AFG1L: variants seen among roughly 807,000 people sequenced by gnomAD.
AFG1L encodes the protein AFG1-like ATPase.
In AFG1L, 53 loss-of-function variants were observed where a neutral mutation model predicts 62.2. That is an observed-to-expected ratio of 0.85 (90% confidence interval 0.68 to 1.07). The LOEUF is 1.07. Among genes scored for constraint, AFG1L ranks in the 50% least tolerant of loss-of-function variants. The pLI, the probability that AFG1L is intolerant of heterozygous loss-of-function variation, is 0.00. For synonymous variants in AFG1L, 228 were observed against 210.3 expected (o/e 1.08, Z -0.73); for missense variants, 555 against 590.5 (o/e 0.94, Z 0.62).
At chr6:108,516,083 C>A (rs1774875492) in intron 11 of AFG1L, among the ~76,000 whole-genome samples, 1 of 152,192 alleles carries the variant, frequency 6.6e-6, no homozygotes, top group Non-Finnish European at 1.5e-5. Context: ...CAAGGAGGAG[C>A]TGGTACCATT....
chr6:108,445,206 C>T (rs529930249), intron 7 of AFG1L, among the ~76,000 whole-genome samples: 17 of 152,334 alleles, frequency 1.1e-4, no homozygotes, highest in African/African-American at 4.1e-4. Context: ...AGCTTCCTCA[C>T]CTCTCTCAAC....
intron 8 of AFG1L, among the ~76,000 whole-genome samples, chr6:108,463,012 G>A (rs1312205208): frequency 2.0e-5 from 3 of 151,706 alleles, no homozygotes; most frequent in Non-Finnish European, 4.4e-5. Flanking sequence ...GGCCTCAGCC[G>A]GGTGCAGTGA....
At chr6:108,383,535 T>C (rs1199083532) in intron 6 of AFG1L, among the ~76,000 whole-genome samples, 1 of 152,146 alleles carries the variant, frequency 6.6e-6, no homozygotes, top group Non-Finnish European at 1.5e-5. Flanking sequence ...ACTGTAGACT[T>C]AAAACTGAAG....
chr6:108,515,898 T>C (rs1774863421), intron 11 of AFG1L, among the ~76,000 whole-genome samples: 1 of 152,210 alleles, frequency 6.6e-6, no homozygotes, highest in Admixed American at 6.5e-5. Flanking sequence ...CTAGAAAATC[T>C]AGAAGAAATG....
In AFG1L at chr6:108,477,291, G is replaced by C. The variant is rs1377997922; in HGVS notation, c.1061G>C (p.Arg354Thr). Residue 354 changes from arginine (R) to threonine (T), a missense_variant and splice_region_variant, in exon 10 of 13, where the codon AGA becomes ACA. Physicochemically the swap from Arg to Thr is moderately conservative, Grantham distance 71. Transcript: ENST00000368977. The stretch of plus-strand genomic sequence containing the variant: ...TGCACATTTGAAGAGCTGTGTGAGA[G>C]AGTAAGTATCCAGGCACGTCCAGAC... Reference protein sequence around the residue: ...ADCTFEELCERPLGASDYLEL... With the variant: ...ADCTFEELCETPLGASDYLEL... 6 of 1,593,834 alleles carry C rather than the reference G, an allele frequency of 3.8e-6. No individual in the cohort carries two copies. The South Asian group carries it at 5.6e-5, about 15-fold the overall frequency.
At chr6:108,500,395 A>G (rs1024233501) in intron 10 of AFG1L, among the ~76,000 whole-genome samples, 2 of 152,200 alleles carry the variant, frequency 1.3e-5, no homozygotes, top group African/African-American at 2.4e-5. Flanking sequence ...CTACATATCG[A>G]TGCTGCCAAA....
Position 108,306,352 on chromosome 6 carries a change from A to G in AFG1L, c.139+11134A>G, listed in dbSNP as rs111335714. Among the ~76,000 whole-genome samples, 15 of 152,314 alleles carry G rather than the reference A, an allele frequency of 9.8e-5. No individual in the cohort carries two copies. The East Asian group carries it at 2.3e-3, about 24-fold the overall frequency. On this transcript the variant is annotated intron_variant, in intron 1 of 12. Coordinates refer to ENST00000368977, the MANE Select transcript of AFG1L (RefSeq NM_145315.5). ...ATTTTTGGATAGCCTTAATTTTGAA[A>G]AAACTCTAAAGTGGGATGAAATTTG...
intron 7 of AFG1L, 133 bp from the exon 8 acceptor site, chr6:108,447,080 GT>G (rs1357332181): frequency 2.3e-6 from 1 of 427,678 alleles, no homozygotes; most frequent in Non-Finnish European, 4.3e-6. Flanking sequence ...GAGTTCTGTT[GT>G]TTTCTTGTCA....
chr6:108,436,301 T>C (rs1771304755), intron 7 of AFG1L, among the ~76,000 whole-genome samples: 1 of 150,550 alleles, frequency 6.6e-6, no homozygotes, highest in Non-Finnish European at 1.5e-5. Context: ...CACACCACCA[T>C]GGTCAGCTAA....
In AFG1L at chr6:108,386,475, A is replaced by C. The variant is rs566738058; in HGVS notation, c.749-15521A>C. Reference sequence around the variant, plus strand: ...AAACTCCATCTCAAAAAAAAAAAGAAAAGAAAAGAAAAGAAAAATACCTAA... The same window carrying C: ...AAACTCCATCTCAAAAAAAAAAAGACAAGAAAAGAAAAGAAAAATACCTAA... On this transcript the variant is annotated intron_variant, in intron 6 of 12. Transcript: ENST00000368977. Among the ~76,000 whole-genome samples, 6 of 152,234 alleles carry C rather than the reference A, an allele frequency of 3.9e-5. 1 individual carries two copies. In the South Asian group the frequency reaches 1.2e-3, roughly 32 times the overall value.
intron 3 of AFG1L, among the ~76,000 whole-genome samples, chr6:108,353,762 A>G (rs1341488068): frequency 6.6e-6 from 1 of 152,190 alleles, no homozygotes; most frequent in African/African-American, 2.4e-5. Flanking sequence ...GGGTAAATAT[A>G]ATTATTTAAA....
chr6:108,355,518 C>T (rs1779238949), intron 3 of AFG1L, 136 bp from the exon 4 acceptor site: 1 of 465,352 alleles, frequency 2.1e-6, no homozygotes, highest in East Asian at 3.5e-5. Flanking sequence ...TAAGCTCCCC[C>T]TTCTAAAGAA....
intron 8 of AFG1L, among the ~76,000 whole-genome samples, chr6:108,466,766 TATA>T (rs1772686907): frequency 6.8e-6 from 1 of 147,962 alleles, no homozygotes; most frequent in Non-Finnish European, 1.5e-5. Context: ...TTAAAATATA[TATA>T]TTTTAAAAAA....
rs376697600 is a variant in AFG1L, at chr6:108,326,288, T to C, written c.363+2240T>C. Among the ~76,000 whole-genome samples the C allele has an allele frequency of 3.9e-5, 6 of 152,084 alleles. No individual in the cohort carries two copies. In the East Asian group the frequency reaches 9.7e-4, roughly 24 times the overall value. On this transcript the variant is annotated intron_variant, in intron 2 of 12. Coordinates refer to ENST00000368977, the MANE Select transcript of AFG1L (RefSeq NM_145315.5). ...GGACCTTACTCTGTTGCCAGGCTGGTCTTGAACTTCTGGTCTTAAGCAATC... is the reference window on the plus strand; with the variant it reads ...GGACCTTACTCTGTTGCCAGGCTGGCCTTGAACTTCTGGTCTTAAGCAATC...
At chr6:108,361,506 A>G (rs189183298) in intron 5 of AFG1L, among the ~76,000 whole-genome samples, 302 of 152,128 alleles carry the variant, frequency 2.0e-3, no homozygotes, top group African/African-American at 7.0e-3. Flanking sequence ...ATATATATGT[A>G]GGAATAGGAC....
chr6:108,307,336 A>C lies in AFG1L; in HGVS notation c.139+12118A>C, dbSNP rs991442832. ...CTAAAAATAAGTTACTTTTAATTAT[A>C]AAAATACTACATCATGTTTACAGTA... On this transcript the variant is annotated intron_variant, in intron 1 of 12. Transcript: ENST00000368977. Among the ~76,000 whole-genome samples, 12 of 152,280 alleles carry C rather than the reference A, an allele frequency of 7.9e-5. 1 individual carries two copies. The highest frequency in any genetic ancestry group is 2.9e-4 in the African/African-American group (12 of 41,584).
At position 108,519,681 on chromosome 6, in the gene AFG1L, T is replaced by C; in HGVS notation, c.1204-16T>C. On this transcript the variant is annotated splice_polypyrimidine_tract_variant and intron_variant, in intron 11 of 12. Coordinates refer to ENST00000368977, the MANE Select transcript of AFG1L (RefSeq NM_145315.5). ...ATGTAAAGAGTAACACATTTACCCA[T>C]TTTCTTCTATTTCAGGTGCGTATAA... 2 of 1,372,412 alleles carry C rather than the reference T, an allele frequency of 1.5e-6. No individual in the cohort carries two copies. Among genetic ancestry groups the C allele is most frequent in the South Asian group, 2.4e-5 (2 of 82,018 alleles). The allele number at this position is 1,372,412 out of a possible 1,614,324, so 85.0% of individuals were successfully genotyped here. A position where few individuals can be genotyped will look rare whatever the true frequency, so the allele number is the denominator to read the frequency against.
intron 6 of AFG1L, among the ~76,000 whole-genome samples, chr6:108,389,293 C>G (rs1780935896): frequency 6.6e-6 from 1 of 152,118 alleles, no homozygotes; most frequent in Non-Finnish European, 1.5e-5. Context: ...GATGGGTTTC[C>G]TGAATACAGC....
chr6:108,370,020 A>G (rs552040683), intron 6 of AFG1L, among the ~76,000 whole-genome samples: 1 of 151,952 alleles, frequency 6.6e-6, no homozygotes, highest in Non-Finnish European at 1.5e-5. Flanking sequence ...TTAGACTGCT[A>G]CAAGAGCTGG....
Sources: gnomAD v4.1 joint callset for allele counts (sites outside exome capture counted in the v4.1 genomes callset) on GRCh38, gnomAD v4.1.1 for gene constraint, MANE v1.5 for transcripts, NCBI Gene and HGNC (gene_info 2026-07-23, HGNC 2026-07-21) for gene names.